The following ZNF607 variants were observed in gnomAD, a reference collection of about 807,000 sequenced individuals.
The protein encoded by ZNF607 is zinc finger protein 607.
A neutral mutation model predicts 12.8 loss-of-function variants in ZNF607; 5 were observed. The observed-to-expected ratio is 0.39, with a 90% CI of 0.20 to 0.82. The LOEUF is 0.82. Among genes scored for constraint, ZNF607 ranks in the 40% least tolerant of loss-of-function variants. The probability of loss-of-function intolerance (pLI) is 0.39; values close to 1 mark genes in which losing one functional copy is unlikely to be tolerated. For missense variants in ZNF607, 851 were observed against 859.2 expected (o/e 0.99, Z 0.12); for synonymous variants, 287 against 276.2 (o/e 1.04, Z -0.39).
chr19:37,702,182 G>A (rs1306132959), intron 4 of ZNF607, among the ~76,000 whole-genome samples: 2 of 151,510 alleles, frequency 1.3e-5, no homozygotes, highest in Non-Finnish European at 1.5e-5. Flanking sequence ...AGCTACTCGG[G>A]AGGCTGAGGC....
At chr19:37,702,317 GA>G (rs1306770916) in intron 4 of ZNF607, among the ~76,000 whole-genome samples, 2 of 141,448 alleles carry the variant, frequency 1.4e-5, no homozygotes, top group Non-Finnish European at 3.1e-5. Flanking sequence ...AAAGAAAGAA[GA>G]AAAAATGTGT....
At chr19:37,704,814 G>A (rs564660813) in intron 4 of ZNF607, among the ~76,000 whole-genome samples, 8 of 115,556 alleles carry the variant, frequency 6.9e-5, no homozygotes, top group South Asian at 2.9e-4. Flanking sequence ...AAAATTAGTC[G>A]GGCATGGTGG....
chr19:37,710,645 C>T (rs1474816889), intron 2 of ZNF607, among the ~76,000 whole-genome samples: 1 of 152,030 alleles, frequency 6.6e-6, no homozygotes, highest in Non-Finnish European at 1.5e-5. Context: ...AAACTTTCTG[C>T]CTGTTCTGGG....
chr19:37,698,179 CCA>C lies in ZNF607; in HGVS notation c.1950_1951del (p.Cys650TrpfsTer5). ...TTCATGGCTACTATTAAAAGCTTTC[CCA>C]CACTCTTCACACATATAGGGATTTC... is the stretch of plus-strand genomic sequence containing the variant. On this transcript the variant is annotated frameshift_variant, in exon 5 of 5. Transcript: ENST00000355202. LOFTEE classifies it low-confidence loss of function (END_TRUNC). The C allele has an allele frequency of 6.2e-7, 1 of 1,614,076 alleles. No individual in the cohort carries two copies.
At chr19:37,713,489 G>A (rs1260696474) in intron 1 of ZNF607, among the ~76,000 whole-genome samples, 1 of 150,858 alleles carries the variant, frequency 6.6e-6, no homozygotes, top group Non-Finnish European at 1.5e-5. Flanking sequence ...AGGCTGGAGT[G>A]CAGTGGCATG....
At chr19:37,718,652 G>A (rs2045198282) in intron 1 of ZNF607, among the ~76,000 whole-genome samples, 1 of 152,136 alleles carries the variant, frequency 6.6e-6, no homozygotes, top group Admixed American at 6.5e-5. Flanking sequence ...TGTAAAATCT[G>A]GCTATAGCAA....
At chr19:37,706,185 C>T (rs1028636318) in intron 4 of ZNF607, among the ~76,000 whole-genome samples, 1 of 147,758 alleles carries the variant, frequency 6.8e-6, no homozygotes, top group African/African-American at 2.5e-5. Flanking sequence ...CAGAGCAAGA[C>T]TCTATCTCGA....
Position 37,698,250 on chromosome 19 carries a change from G to A in ZNF607, c.1881C>T (p.His627=). ...CATGTCTAACAAGATATGAGGCACA[G>A]TGAAATGCCTTCCCACATCTTTTAC... is the stretch of plus-strand genomic sequence containing the variant. ...YECKRCGKAF[H]CASYLVRHES... The change falls in exon 5 of 5, where the codon CAC becomes CAT. Residue 627 remains histidine (H), a synonymous_variant. Transcript: ENST00000355202. The A allele has an allele frequency of 6.2e-7, 1 of 1,614,082 alleles. No individual in the cohort carries two copies. Among genetic ancestry groups the A allele is most frequent in the Non-Finnish European group, 8.5e-7 (1 of 1,179,992 alleles).
intron 1 of ZNF607, among the ~76,000 whole-genome samples, chr19:37,713,773 A>G (rs189350544): frequency 6.6e-6 from 1 of 152,158 alleles, no homozygotes; most frequent in Non-Finnish European, 1.5e-5. Flanking sequence ...TCACAGGTAC[A>G]CTTGTAAGAA....
chr19:37,704,653 C>T (rs1373689276), intron 4 of ZNF607, among the ~76,000 whole-genome samples: 1 of 152,162 alleles, frequency 6.6e-6, no homozygotes, highest in Non-Finnish European at 1.5e-5. Flanking sequence ...TCTATGTTAG[C>T]ATAAATAACA....
intron 1 of ZNF607, among the ~76,000 whole-genome samples, chr19:37,716,793 C>T (rs899695455): frequency 1.3e-5 from 2 of 152,098 alleles, no homozygotes; most frequent in Non-Finnish European, 2.9e-5. Context: ...CAAGATATTT[C>T]AAAGTAGTAA....
At chr19:37,715,474 T>C (rs957490792) in intron 1 of ZNF607, among the ~76,000 whole-genome samples, 36 of 151,458 alleles carry the variant, frequency 2.4e-4, no homozygotes, top group Admixed American at 1.5e-3. Context: ...GGCATGGTGA[T>C]GCATGCCTGT....
At chr19:37,711,575 C>T (rs753339417) in intron 2 of ZNF607, 35 bp downstream of exon 2, 43 of 1,612,578 alleles carry the variant, frequency 2.7e-5, no homozygotes, top group Non-Finnish European at 3.2e-5. Context: ...AAAAATCACA[C>T]ACAAACCTCC....
rs973784677 is a variant in ZNF607, at chr19:37,696,795, A to T, written c.*1245T>A. On this transcript the variant is annotated 3_prime_UTR_variant, in exon 5 of 5. Transcript: ENST00000355202. ...GCTCAGCTGCCTTGGAGTCACCCTCAGCAGAGATGATGGCCGCCTTTTCCA... is the reference window on the plus strand; with the variant it reads ...GCTCAGCTGCCTTGGAGTCACCCTCTGCAGAGATGATGGCCGCCTTTTCCA... The T allele has an allele frequency of 3.0e-6, 4 of 1,343,644 alleles. No individual in the cohort carries two copies. Among genetic ancestry groups the T allele is most frequent in the Non-Finnish European group, 4.2e-6 (4 of 942,450 alleles). The allele number at this position is 1,343,644 out of a possible 1,614,324, so 83.2% of individuals were successfully genotyped here.
At chr19:37,705,759 A>G (rs1453639318) in intron 4 of ZNF607, among the ~76,000 whole-genome samples, 3 of 151,922 alleles carry the variant, frequency 2.0e-5, no homozygotes, top group African/African-American at 7.2e-5. Context: ...ATTTTTACTT[A>G]AGAAGAAATT....
chr19:37,718,801 T>C (rs1305202052), intron 1 of ZNF607, among the ~76,000 whole-genome samples: 5 of 152,172 alleles, frequency 3.3e-5, no homozygotes, highest in Admixed American at 3.3e-4. Flanking sequence ...ACATTTCCTC[T>C]TAGTAATTTC....
chr19:37,717,554 G>A lies in ZNF607; in HGVS notation c.-75+1715C>T, dbSNP rs796638186. ...CTCACGCCTGTAATCCCAACACTTT[G>A]GGAGGCCAAGGTGGGTGGATCACCT... On this transcript the variant is annotated intron_variant, in intron 1 of 4. Transcript: ENST00000355202. Among the ~76,000 whole-genome samples, 5 of 151,444 alleles carry A rather than the reference G, an allele frequency of 3.3e-5. No individual in the cohort carries two copies. The South Asian group carries it at 1.0e-3, about 32-fold the overall frequency.
At chr19:37,714,559 A>C in intron 1 of ZNF607, among the ~76,000 whole-genome samples, 1 of 68,042 alleles carries the variant, frequency 1.5e-5, no homozygotes, top group Non-Finnish European at 2.9e-5. Flanking sequence ...GTGAGACCCC[A>C]TCTCAAAAAA....
rs539350399 is a variant in ZNF607, at chr19:37,697,910, T to C, written c.*130A>G. On this transcript the variant is annotated 3_prime_UTR_variant, in exon 5 of 5. Coordinates refer to ENST00000355202, the MANE Select transcript of ZNF607 (RefSeq NM_032689.5). ...TTTGAAAAGTTCACACCAATACAAA[T>C]TGATGCCTAATAAAAACTGAACTGT... 1.8e-4 allele frequency: 156 copies of C among 860,726 alleles called. 2 individuals are homozygous for C. Among genetic ancestry groups the C allele is most frequent in the Non-Finnish European group, 2.8e-5 (16 of 565,008 alleles). 53.3% of individuals were successfully genotyped at this position (860,726 alleles called of 1,614,324 possible).
Sources: allele counts gnomAD v4.1 joint callset (sites outside exome capture counted in the v4.1 genomes callset), GRCh38; gene constraint gnomAD v4.1.1; transcripts MANE v1.5; gene names NCBI Gene and HGNC (gene_info 2026-07-23, HGNC 2026-07-21).